PPFIBP2: variants seen among roughly 807,000 people sequenced by gnomAD.
The protein encoded by PPFIBP2 is PPFIB scaffold protein 2.
In PPFIBP2, 118 loss-of-function variants were observed where a neutral mutation model predicts 118.3. That is an observed-to-expected ratio of 1.00 (90% CI 0.86 to 1.16). The LOEUF is 1.16. Among genes scored for constraint, PPFIBP2 ranks in the 50% most tolerant of loss-of-function variants. The pLI, the probability that PPFIBP2 is intolerant of heterozygous loss-of-function variation, is 0.00. For missense variants in PPFIBP2, 1,195 were observed against 1,073.1 expected, an observed-to-expected ratio of 1.11 and a Z score of -1.59; for synonymous variants, 414 against 397.4, an observed-to-expected ratio of 1.04 and a Z score of -0.50.
Position 7,649,518 on chromosome 11 carries a change from C to A in PPFIBP2, c.1999-14C>A. 6.2e-7 allele frequency: 1 copy of A among 1,614,040 alleles called. No homozygotes were observed. The highest frequency in any genetic ancestry group is 1.1e-5 in the South Asian group (1 of 91,054). On this transcript the variant is annotated splice_polypyrimidine_tract_variant and intron_variant, in intron 20 of 23. Transcript: ENST00000299492. ...TGGAAACTCTGGTTTATAAACCAAA[C>A]TTTCCTCTTTCAGAACGATTTACTC...
chr11:7,514,383 G>A (rs563715086), intron 1 of PPFIBP2, among the ~76,000 whole-genome samples: 13 of 152,344 alleles, frequency 8.5e-5, no homozygotes, highest in African/African-American at 3.1e-4. Flanking sequence ...TGGGATCCGC[G>A]GACAGTCCGC....
chr11:7,600,649 C>T (rs10839818), intron 5 of PPFIBP2, among the ~76,000 whole-genome samples: 2 of 152,182 alleles, frequency 1.3e-5, no homozygotes, highest in Non-Finnish European at 2.9e-5. Flanking sequence ...AATCCTTTCA[C>T]TGTCTCAGTG....
At chr11:7,657,289 C>T (rs934717056), downstream of PPFIBP2, among the ~76,000 whole-genome samples, 12 of 152,192 alleles carry the variant, frequency 7.9e-5, no homozygotes, top group African/African-American at 1.9e-4. Flanking sequence ...TTTTTCCATT[C>T]TTGGGACTGT....
At chr11:7,527,132 T>G (rs770443253) in intron 1 of PPFIBP2, among the ~76,000 whole-genome samples, 2 of 151,666 alleles carry the variant, frequency 1.3e-5, no homozygotes, top group African/African-American at 4.8e-5. Context: ...GAAGTCTGAC[T>G]GTCTGCACCT....
intron 1 of PPFIBP2, among the ~76,000 whole-genome samples, chr11:7,525,309 C>A (rs1476734051): frequency 6.6e-6 from 1 of 152,178 alleles, no homozygotes; most frequent in Non-Finnish European, 1.5e-5. Flanking sequence ...TAGGCCAATT[C>A]ATTTGGTGGT....
chr11:7,649,216 T>C lies in PPFIBP2; in HGVS notation c.1979T>C (p.Met660Thr), dbSNP rs1172933777. The C allele has an allele frequency of 6.2e-7, 1 of 1,613,824 alleles. No homozygotes were observed. Among genetic ancestry groups the C allele is most frequent in the South Asian group, 1.1e-5 (1 of 91,068 alleles). Residue 660 changes from methionine (M) to threonine (T), a missense_variant, in exon 20 of 24, where the codon ATG becomes ACG. By Grantham distance (81) the Met-to-Thr change is moderately conservative. Coordinates refer to ENST00000299492, the MANE Select transcript of PPFIBP2 (RefSeq NM_003621.5). Reference sequence around the variant, plus strand: ...CATGAATCTAGAGTTGACAGACGAATGCTGCAATACCTAACTGTGGTGAGG... The same window carrying C: ...CATGAATCTAGAGTTGACAGACGAACGCTGCAATACCTAACTGTGGTGAGG... ...QFHESRVDRR[M>T]LQYLTVNDLL...
chr11:7,534,579 T>C (rs1201144255), intron 1 of PPFIBP2, among the ~76,000 whole-genome samples: 1 of 152,188 alleles, frequency 6.6e-6, no homozygotes, highest in East Asian at 1.9e-4. Context: ...GTTCTGGGGC[T>C]GAGGAGGCAC....
At chr11:7,651,238 G>A (rs2136020201) in intron 22 of PPFIBP2, 1 of 349,162 alleles carries the variant, frequency 2.9e-6, no homozygotes, top group Non-Finnish European at 4.9e-6. Context: ...CTTACAAGGC[G>A]AGGGAACAGC....
chr11:7,549,302 T>TG lies in PPFIBP2; in HGVS notation c.-36-137dup, dbSNP rs1489786157. The TG allele has an allele frequency of 4.0e-6, 3 of 745,094 alleles. No individual in the cohort carries two copies. In the African/African-American group the frequency reaches 5.4e-5, roughly 13 times the overall value. The allele number at this position is 745,094 out of a possible 1,614,324, so 46.2% of individuals were successfully genotyped here. A position where few individuals can be genotyped will look rare whatever the true frequency, so the allele number is the denominator to read the frequency against. On this transcript the variant is annotated intron_variant, in intron 1 of 23. Coordinates refer to ENST00000299492, the MANE Select transcript of PPFIBP2 (RefSeq NM_003621.5). ...GCCAAGAGGGAAAAGGCCATGGAGATGCAGAAACTACATGTCGGCTACTAT... is the reference window on the plus strand; with the variant it reads ...GCCAAGAGGGAAAAGGCCATGGAGATGGCAGAAACTACATGTCGGCTACTAT...
intron 4 of PPFIBP2, among the ~76,000 whole-genome samples, chr11:7,596,649 G>A (rs531946681): frequency 6.6e-6 from 1 of 152,168 alleles, no homozygotes; most frequent in East Asian, 1.9e-4. Flanking sequence ...AAATAATTCT[G>A]GATAATCTAT....
chr11:7,536,445 G>T (rs934774061), intron 1 of PPFIBP2, among the ~76,000 whole-genome samples: 1 of 152,202 alleles, frequency 6.6e-6, no homozygotes, highest in Admixed American at 6.5e-5. Context: ...GCAGAAGAGG[G>T]AGAGAGTGCA....
chr11:7,549,345 G>A (rs777889930), intron 1 of PPFIBP2, 95 bp from the exon 2 acceptor site: 28 of 1,101,116 alleles, frequency 2.5e-5, no homozygotes, highest in Admixed American at 1.2e-4. Context: ...ATGAAAACAC[G>A]TTGTGTGATG....
chr11:7,611,571 A>G (rs1848070759), intron 6 of PPFIBP2, among the ~76,000 whole-genome samples: 1 of 152,252 alleles, frequency 6.6e-6, no homozygotes, highest in African/African-American at 2.4e-5. Context: ...TGTATTGACT[A>G]AGAGTCCAGG....
At chr11:7,541,978 C>T (rs1268623731) in intron 1 of PPFIBP2, among the ~76,000 whole-genome samples, 1 of 152,186 alleles carries the variant, frequency 6.6e-6, no homozygotes, top group East Asian at 1.9e-4. Flanking sequence ...ACATCTAATT[C>T]ATTACGGTCT....
Position 7,620,201 on chromosome 11 carries a change from A to G in PPFIBP2, c.619-734A>G, listed in dbSNP as rs540540175. Among the ~76,000 whole-genome samples the G allele has an allele frequency of 1.8e-4, 27 of 152,214 alleles. No individual in the cohort carries two copies. In the East Asian group the frequency reaches 4.6e-3, roughly 26 times the overall value. On this transcript the variant is annotated intron_variant, in intron 6 of 23. Transcript: ENST00000299492. Reference sequence around the variant, plus strand: ...TCAGTGACTCCCTACTGCCCAAAGAATGGCATCGGAACTCATCATGTGTAT... The same window carrying G: ...TCAGTGACTCCCTACTGCCCAAAGAGTGGCATCGGAACTCATCATGTGTAT...
chr11:7,571,263 C>G (rs894157550), intron 3 of PPFIBP2, among the ~76,000 whole-genome samples: 1 of 152,156 alleles, frequency 6.6e-6, no homozygotes, highest in African/African-American at 2.4e-5. Flanking sequence ...CAGCCACCCC[C>G]CCTTCTCAGC....
chr11:7,660,701 G>A (rs1172193393), downstream of PPFIBP2, among the ~76,000 whole-genome samples: 1 of 150,886 alleles, frequency 6.6e-6, no homozygotes, highest in Non-Finnish European at 1.5e-5. Flanking sequence ...TCTATTGATT[G>A]GAATAGTTTC....
At chr11:7,606,846 G>A (rs1205703044) in intron 5 of PPFIBP2, among the ~76,000 whole-genome samples, 2 of 130,224 alleles carry the variant, frequency 1.5e-5, no homozygotes, top group Non-Finnish European at 3.2e-5. Context: ...TCACATCAAA[G>A]CAGTATTTTG....
At chr11:7,566,277 T>C (rs943105294) in intron 3 of PPFIBP2, among the ~76,000 whole-genome samples, 4 of 152,216 alleles carry the variant, frequency 2.6e-5, no homozygotes, top group Admixed American at 1.3e-4. Context: ...TTATTCGTAT[T>C]CCTCTGTATG....
Sources: gnomAD v4.1 joint callset for allele counts (sites outside exome capture counted in the v4.1 genomes callset) on GRCh38, gnomAD v4.1.1 for gene constraint, MANE v1.5 for transcripts, NCBI Gene and HGNC (gene_info 2026-07-23, HGNC 2026-07-21) for gene names.